PTPRK: variants seen among roughly 807,000 people sequenced by gnomAD.
PTPRK encodes the protein receptor-type tyrosine-protein phosphatase kappa.
A neutral mutation model predicts 178.0 loss-of-function variants in PTPRK; 75 were observed. That is an observed-to-expected ratio of 0.42 (90% CI 0.35 to 0.51). The LOEUF (loss-of-function observed/expected upper bound fraction) is 0.51. Ranked by LOEUF, PTPRK falls within the 20% of genes least tolerant of loss-of-function variation. PTPRK has a pLI of 0.02. For synonymous variants in PTPRK, 637 were observed against 620.6 expected, an observed-to-expected ratio of 1.03 and a Z score of -0.39; for missense variants, 1,441 against 1,797.8, an observed-to-expected ratio of 0.80 and a Z score of 3.59.
chr6:128,358,577 A>C (rs1834276801), intron 2 of PTPRK, among the ~76,000 whole-genome samples: 1 of 152,216 alleles, frequency 6.6e-6, no homozygotes, highest in Non-Finnish European at 1.5e-5. Context: ...AAATACTGGG[A>C]GGTTTTGTCT....
intron 7 of PTPRK, among the ~76,000 whole-genome samples, chr6:128,167,085 T>C (rs1265254714): frequency 6.6e-6 from 1 of 151,656 alleles, no homozygotes; most frequent in Non-Finnish European, 1.5e-5. Context: ...ATCAGTCCAA[T>C]ATTTTACTTG....
chr6:128,052,395 A>G (rs1209218785), intron 13 of PTPRK, among the ~76,000 whole-genome samples: 1 of 152,186 alleles, frequency 6.6e-6, no homozygotes, highest in African/African-American at 2.4e-5. Context: ...TGATCTAATT[A>G]GTTATATTTA....
chr6:128,005,511 A>G (rs1020323633), intron 14 of PTPRK, among the ~76,000 whole-genome samples: 4 of 151,158 alleles, frequency 2.6e-5, no homozygotes, highest in Non-Finnish European at 4.4e-5. Flanking sequence ...CTTAAATATC[A>G]TAAAATATAA....
At chr6:128,144,795 C>G (rs567724950) in intron 7 of PTPRK, among the ~76,000 whole-genome samples, 43 of 152,150 alleles carry the variant, frequency 2.8e-4, no homozygotes, top group Admixed American at 6.5e-4. Flanking sequence ...TATATTGCAC[C>G]AAAAATATAA....
intron 13 of PTPRK, among the ~76,000 whole-genome samples, chr6:128,063,844 G>C (rs1330821507): frequency 6.6e-6 from 1 of 152,140 alleles, no homozygotes; most frequent in Non-Finnish European, 1.5e-5. Flanking sequence ...GCAGACTGAT[G>C]ATTAGATGGA....
Position 128,078,819 on chromosome 6 carries a change from G to A in PTPRK, c.1877C>T (p.Pro626Leu). ...LLRPAQAKGAPISAYQIVVEE... is the reference protein window; with the variant it reads ...LLRPAQAKGALISAYQIVVEE... The stretch of plus-strand genomic sequence containing the variant: ...TGTAGTTTTCTCCTCTTACCTGATA[G>A]GAGCACCTTTGGCTTGTGCTGGTCT... The change falls in exon 11 of 30, where the codon CCT (proline) becomes CTT (leucine). Residue 626 changes from proline (P) to leucine (L), a missense_variant. Physicochemically the swap from Pro to Leu is moderately conservative, Grantham distance 98. This residue lies in a region of PTPRK where 945 missense variants were observed against 1,080.6 expected (regional missense o/e 0.87). Coordinates refer to ENST00000368226, the MANE Select transcript of PTPRK (RefSeq NM_002844.4). 6.2e-7 allele frequency: 1 copy of A among 1,606,170 alleles called. No individual in the cohort carries two copies. Among genetic ancestry groups the A allele is most frequent in the Non-Finnish European group, 8.5e-7 (1 of 1,173,396 alleles).
intron 3 of PTPRK, among the ~76,000 whole-genome samples, chr6:128,291,639 T>A (rs954266557): frequency 2.0e-5 from 3 of 152,138 alleles, no homozygotes; most frequent in Non-Finnish European, 4.4e-5. Flanking sequence ...TTTCTCCCAC[T>A]GCTGTGGTTA....
At chr6:128,428,941 G>C (rs1225453414) in intron 1 of PTPRK, among the ~76,000 whole-genome samples, 1 of 152,150 alleles carries the variant, frequency 6.6e-6, no homozygotes, top group Non-Finnish European at 1.5e-5. Flanking sequence ...TAAATGTTCT[G>C]AACATATTTA....
At chr6:128,497,863 A>G (rs1226074207) in intron 1 of PTPRK, among the ~76,000 whole-genome samples, 1 of 152,086 alleles carries the variant, frequency 6.6e-6, no homozygotes, top group Admixed American at 6.6e-5. Flanking sequence ...GATGACTACG[A>G]ATCACTTTAA....
intron 3 of PTPRK, among the ~76,000 whole-genome samples, chr6:128,294,258 AC>A (rs1823888544): frequency 6.6e-6 from 1 of 151,994 alleles, no homozygotes; most frequent in South Asian, 2.1e-4. Context: ...ATTATTCCTA[AC>A]CCTGGTGCTA....
chr6:128,491,169 A>G (rs1479528021), intron 1 of PTPRK, among the ~76,000 whole-genome samples: 5 of 152,236 alleles, frequency 3.3e-5, no homozygotes, highest in Non-Finnish European at 7.3e-5. Flanking sequence ...AATGCTTACT[A>G]TTAGGCTAAG....
intron 29 of PTPRK, among the ~76,000 whole-genome samples, chr6:127,971,073 T>C (rs1422178513): frequency 6.6e-6 from 1 of 152,220 alleles, no homozygotes; most frequent in African/African-American, 2.4e-5. Flanking sequence ...GAATGGTTAG[T>C]GATCCTTAAA....
At chr6:128,373,682 A>C (rs1426522645) in intron 2 of PTPRK, among the ~76,000 whole-genome samples, 2 of 152,118 alleles carry the variant, frequency 1.3e-5, no homozygotes, top group African/African-American at 4.8e-5. Context: ...CAAAGTGCTA[A>C]AGGTAACTAT....
At chr6:128,294,450 A>G (rs1823926709) in intron 3 of PTPRK, among the ~76,000 whole-genome samples, 1 of 152,038 alleles carries the variant, frequency 6.6e-6, no homozygotes, top group Admixed American at 6.6e-5. Context: ...TACTTGAATT[A>G]CCAAGCTGGT....
At chr6:128,034,324 T>C (rs1294236127) in intron 13 of PTPRK, among the ~76,000 whole-genome samples, 2 of 152,224 alleles carry the variant, frequency 1.3e-5, no homozygotes, top group Non-Finnish European at 2.9e-5. Context: ...AGCTATAAGA[T>C]GTATTCAAAT....
At chr6:128,284,007 G>A (rs1398452198) in intron 3 of PTPRK, among the ~76,000 whole-genome samples, 1 of 152,122 alleles carries the variant, frequency 6.6e-6, no homozygotes, top group Non-Finnish European at 1.5e-5. Flanking sequence ...TAAAATTTGA[G>A]GTTCTCTCTG....
chr6:128,134,030 A>G (rs1794653711), intron 7 of PTPRK, among the ~76,000 whole-genome samples: 1 of 152,176 alleles, frequency 6.6e-6, no homozygotes, highest in Non-Finnish European at 1.5e-5. Context: ...ACAACCTATG[A>G]GCTTTTATTG....
intron 6 of PTPRK, among the ~76,000 whole-genome samples, chr6:128,200,768 G>A (rs752453285): frequency 4.7e-5 from 7 of 147,986 alleles, no homozygotes; most frequent in Non-Finnish European, 1.0e-4. Context: ...AAAATGAGAA[G>A]TCAATGGAGT....
At chr6:128,335,809 C>T (rs1006058958) in intron 2 of PTPRK, among the ~76,000 whole-genome samples, 1 of 152,040 alleles carries the variant, frequency 6.6e-6, no homozygotes, top group Non-Finnish European at 1.5e-5. Flanking sequence ...ACCTGAAACC[C>T]TTGTAAAATC....
Sources: allele counts gnomAD v4.1 joint callset (sites outside exome capture counted in the v4.1 genomes callset), GRCh38; gene constraint gnomAD v4.1.1; regional missense constraint gnomAD v4.1.1; transcripts MANE v1.5; gene names NCBI Gene and HGNC (gene_info 2026-07-23, HGNC 2026-07-21).